C5orf15: variants seen among roughly 807,000 people sequenced by gnomAD.
C5orf15 encodes the protein chromosome 5 open reading frame 15.
A neutral mutation model predicts 17.8 loss-of-function variants in C5orf15; 10 were observed. The ratio of observed to expected loss-of-function variants is 0.56; its 90% CI spans 0.35 to 0.95. C5orf15 has a LOEUF of 0.95. Ranked by LOEUF, C5orf15 falls within the 40% of genes least tolerant of loss-of-function variation. The pLI is 0.02. For missense variants in C5orf15, 319 were observed against 331.7 expected (o/e 0.96, Z 0.30); for synonymous variants, 124 against 131.0 (o/e 0.95, Z 0.36).
rs557614790 is a variant in C5orf15, at chr5:133,967,517, T to C, written c.139+929A>G. ...CCGTTTAATCCTTACAAGTTCTTAA[T>C]AGTGGATTTTTCCCACCAAGTATCA... On this transcript the variant is annotated intron_variant, in intron 1 of 2. Transcript: ENST00000231512. The C allele has an allele frequency of 3.3e-5, 5 of 152,352 alleles. No individual in the cohort carries two copies. The East Asian group carries it at 9.6e-4, about 29-fold the overall frequency. The allele number at this position is 152,352 out of a possible 1,614,324, so 9.4% of individuals were successfully genotyped here.
At chr5:133,964,999 G>A (rs947427094) in intron 1 of C5orf15, among the ~76,000 whole-genome samples, 4 of 152,018 alleles carry the variant, frequency 2.6e-5, no homozygotes, top group African/African-American at 9.7e-5. Context: ...ACCCTCTAGG[G>A]CCATCCATTT....
chr5:133,960,090 C>G, intron 1 of C5orf15, 70 bp from the exon 2 acceptor site: 2 of 1,353,874 alleles, frequency 1.5e-6, no homozygotes, highest in Non-Finnish European at 2.0e-6. Context: ...GCATATTTAC[C>G]CAAATTTTAC....
intron 1 of C5orf15, among the ~76,000 whole-genome samples, chr5:133,961,443 G>A (rs867179620): frequency 1.3e-5 from 2 of 151,364 alleles, no homozygotes; most frequent in African/African-American, 4.9e-5. Context: ...CTACTCGGGA[G>A]GCTGAGGCAG....
At chr5:133,966,055 T>C (rs1300763543) in intron 1 of C5orf15, among the ~76,000 whole-genome samples, 1 of 151,960 alleles carries the variant, frequency 6.6e-6, no homozygotes, top group Non-Finnish European at 1.5e-5. Flanking sequence ...AAACCCCGTC[T>C]CTACTAAAAA....
intron 2 of C5orf15, among the ~76,000 whole-genome samples, chr5:133,958,629 A>G (rs2126876278): frequency 6.6e-6 from 1 of 151,536 alleles, no homozygotes; most frequent in East Asian, 1.9e-4. Context: ...ATTCCTTAAA[A>G]ATCATTACAT....
chr5:133,961,232 T>TAAAA (rs56684565), intron 1 of C5orf15, among the ~76,000 whole-genome samples: 1,338 of 30,418 alleles, frequency 0.044, 278 homozygotes, highest in Non-Finnish European at 0.055. Context: ...AGTCAGTTAG[T>TAAAA]AAAAAAAAAA....
intron 2 of C5orf15, 96 bp downstream of exon 2, chr5:133,959,398 T>C (rs78967855): frequency 1.3e-6 from 1 of 787,874 alleles, no homozygotes; most frequent in East Asian, 3.3e-5. Flanking sequence ...ACTACACTTT[T>C]TTTTGCAAAA....
intron 1 of C5orf15, among the ~76,000 whole-genome samples, chr5:133,965,435 A>G (rs1446937043): frequency 6.6e-6 from 1 of 152,256 alleles, no homozygotes; most frequent in African/African-American, 2.4e-5. Context: ...AACATGTAAT[A>G]CAAAGGCTAT....
rs73275108 is a variant in C5orf15 at position 133,964,288 on chromosome 5, T to A, written c.139+4158A>T. Among the ~76,000 whole-genome samples the A allele has an allele frequency of 9.9e-3, 1,508 of 152,246 alleles. 20 individuals are homozygous for A. The highest frequency in any genetic ancestry group is 0.033 in the African/African-American group (1,365 of 41,520). On this transcript the variant is annotated intron_variant, in intron 1 of 2. Coordinates refer to ENST00000231512, the MANE Select transcript of C5orf15 (RefSeq NM_020199.3). ...CAACCTAGGTGAATCTTCAGAGAAT[T>A]ATGCTAAGTGAAAAAAAGTCAATCC...
intron 1 of C5orf15, among the ~76,000 whole-genome samples, chr5:133,961,769 G>A (rs1401413558): frequency 1.3e-5 from 2 of 149,598 alleles, no homozygotes; most frequent in Non-Finnish European, 3.0e-5. Flanking sequence ...AATGCCATAT[G>A]CAATTTTTTT....
At chr5:133,961,772 ATTT>A (rs55963520) in intron 1 of C5orf15, among the ~76,000 whole-genome samples, 2 of 141,682 alleles carry the variant, frequency 1.4e-5, no homozygotes. Context: ...GCCATATGCA[ATTT>A]TTTTTTTTTT....
intron 1 of C5orf15, among the ~76,000 whole-genome samples, chr5:133,967,804 C>T (rs1024289560): frequency 1.3e-5 from 2 of 152,064 alleles, no homozygotes; most frequent in African/African-American, 4.8e-5. Context: ...CCAGAACCTC[C>T]CAGTCTTCAA....
At chr5:133,965,975 A>T (rs886958517) in intron 1 of C5orf15, among the ~76,000 whole-genome samples, 1 of 152,192 alleles carries the variant, frequency 6.6e-6, no homozygotes, top group Non-Finnish European at 1.5e-5. Context: ...CTGTAATCCC[A>T]GCACTTTGGG....
intron 1 of C5orf15, among the ~76,000 whole-genome samples, chr5:133,961,626 C>T (rs1421150725): frequency 6.7e-6 from 1 of 149,674 alleles, no homozygotes; most frequent in African/African-American, 2.5e-5. Flanking sequence ...CACTCTGTTG[C>T]CCAGGCTGAA....
At chr5:133,968,174 C>T (rs1486248487) in intron 1 of C5orf15, among the ~76,000 whole-genome samples, 1 of 152,040 alleles carries the variant, frequency 6.6e-6, no homozygotes, top group African/African-American at 2.4e-5. Context: ...ACCACTCCTC[C>T]CTCCCCGCCC....
intron 1 of C5orf15, among the ~76,000 whole-genome samples, chr5:133,961,545 CA>C (rs756460747): frequency 0.042 from 2,595 of 61,272 alleles, 62 homozygotes; most frequent in African/African-American, 0.12. Context: ...GACCACATCT[CA>C]AAAAAAAAAA....
chr5:133,961,654 T>C (rs1020324734), intron 1 of C5orf15, among the ~76,000 whole-genome samples: 3 of 149,140 alleles, frequency 2.0e-5, no homozygotes, highest in Non-Finnish European at 3.0e-5. Flanking sequence ...AGCACAAACA[T>C]AGCTCACTGT....
In C5orf15 at chr5:133,959,702, T is replaced by G; in HGVS notation, c.458A>C (p.Tyr153Ser). The G allele has an allele frequency of 5.0e-6, 8 of 1,613,644 alleles. No individual in the cohort carries two copies. Among genetic ancestry groups the G allele is most frequent in the Non-Finnish European group, 6.8e-6 (8 of 1,179,726 alleles). ...LDNGDYGEPDYDWTTGPRDDD... is the reference protein window; with the variant it reads ...LDNGDYGEPDSDWTTGPRDDD... ...GTCCCTGGGGCCCGTGGTCCAGTCA[T>G]AGTCTGGTTCTCCATAATCGCCATT... The change falls in exon 2 of 3, where the codon TAT becomes TCT. Residue 153 changes from tyrosine (Y) to serine (S), a missense_variant. Tyr to Ser is a moderately radical substitution (Grantham distance 144, BLOSUM62 -2). Coordinates refer to ENST00000231512, the MANE Select transcript of C5orf15 (RefSeq NM_020199.3).
chr5:133,962,024 A>C (rs977832629), intron 1 of C5orf15, among the ~76,000 whole-genome samples: 1 of 152,206 alleles, frequency 6.6e-6, no homozygotes, highest in Non-Finnish European at 1.5e-5. Context: ...TGCATTTATC[A>C]CTTCAACTTA....
Sources: allele counts gnomAD v4.1 joint callset (sites outside exome capture counted in the v4.1 genomes callset), GRCh38; gene constraint gnomAD v4.1.1; transcripts MANE v1.5; gene names NCBI Gene and HGNC (gene_info 2026-07-23, HGNC 2026-07-21).